Variants in PPP1R26 observed in about 807,000 individuals in gnomAD.
PPP1R26 encodes the protein protein phosphatase 1 regulatory subunit 26, also known as 1A6/DRIM (down-regulated in metastasis) interacting protein.
A neutral mutation model predicts 67.6 loss-of-function variants in PPP1R26; 22 were observed. The observed-to-expected ratio is 0.33, with a 90% CI of 0.23 to 0.46. The LOEUF (loss-of-function observed/expected upper bound fraction) is 0.46, where lower values mean the gene tolerates loss of function less well. Among genes scored for constraint, PPP1R26 ranks in the 20% least tolerant of loss-of-function variants. PPP1R26 has a pLI of 1.00. For synonymous variants in PPP1R26, 729 were observed against 717.2 expected (o/e 1.02, Z -0.26); for missense variants, 1,602 against 1,651.4 (o/e 0.97, Z 0.52).
intron 1 of PPP1R26, chr9:135,480,435 C>T (rs1302770220): frequency 6.6e-6 from 1 of 152,256 alleles, no homozygotes; most frequent in Non-Finnish European, 1.5e-5. Flanking sequence ...GCTCGCTAGT[C>T]CTCGGATCCC....
At position 135,484,873 on chromosome 9, in the gene PPP1R26, A is replaced by G. The variant is rs1830653768; in HGVS notation, c.363A>G (p.Leu121=). The change falls in exon 4 of 4, where the codon CTA becomes CTG. Residue 121 remains leucine, a synonymous_variant. Transcript: ENST00000356818. ...CTACAGACTTTGGCCCGTTGGTGCT[A>G]GATTCAGACAGTGATGATTCCGTGG... ...EETTDFGPLV[L]DSDSDDSVDR... is the part of the protein sequence containing the mutation. 1 of 1,605,200 alleles carries G rather than the reference A, an allele frequency of 6.2e-7. No homozygotes were observed. The highest frequency in any genetic ancestry group is 2.2e-5 in the East Asian group (1 of 44,740).
rs199571701 is a variant in PPP1R26 at position 135,486,279 on chromosome 9, T to C, written c.1769T>C (p.Leu590Pro). 14 of 1,612,918 alleles carry C rather than the reference T, an allele frequency of 8.7e-6. No individual in the cohort carries two copies. The highest frequency in any genetic ancestry group is 2.7e-5 in the African/African-American group (2 of 75,044). Residue 590 changes from leucine to proline, a missense_variant, in exon 4 of 4, where the codon CTG (leucine) becomes CCG (proline). Leu to Pro is a moderately conservative substitution (Grantham distance 98). Transcript: ENST00000356818. The surrounding 1 kb of genome is among the most constrained non-coding windows in gnomAD (Gnocchi z 6.2). ...TPLSKTPDPL[L>P]GCKRKRRGGG... is the part of the protein sequence containing the mutation. ...CTCTCTAAAACACCAGACCCACTGC[T>C]GGGCTGCAAAAGGAAGCGTAGAGGT...
Position 135,487,094 on chromosome 9 carries a change from G to A in PPP1R26, c.2584G>A (p.Gly862Ser), listed in dbSNP as rs550877570. The A allele has an allele frequency of 2.5e-6, 4 of 1,611,552 alleles. No individual in the cohort carries two copies. In the East Asian group the frequency reaches 8.9e-5, roughly 36 times the overall value. ...GAGCAGTTCAGAAGTTCAGGCAGAG[G>A]GCCCCACCGCTCTTGGGACAGGGGG... The part of the protein sequence containing the change: ...SVSSSEVQAE[G>S]PTALGTGGPA... The change falls in exon 4 of 4, where the codon GGC (glycine) becomes AGC (serine). Residue 862 changes from glycine (G) to serine (S), a missense_variant. Transcript: ENST00000356818.
In PPP1R26 at chr9:135,487,993, G is replaced by A. The variant is rs149647500; in HGVS notation, c.3483G>A (p.Ser1161=). 1.4e-5 allele frequency: 22 copies of A among 1,610,524 alleles called. No homozygotes were observed. The highest frequency in any genetic ancestry group is 6.7e-5 in the African/African-American group (5 of 74,798). The change falls in exon 4 of 4, where the codon TCG becomes TCA. Residue 1161 remains serine (S), a synonymous_variant. Transcript: ENST00000356818. The part of the protein sequence containing the change: ...AGLSLHDRRS[S]GSEESILDLR... ...TGAGTTTGCATGACAGGAGGAGCTC[G>A]GGCTCGGAGGAAAGCATTTTAGACC...
Position 135,486,103 on chromosome 9 carries a change from T to C in PPP1R26, c.1593T>C (p.Asp531=), listed in dbSNP as rs28684453. ...GCGACAGTAGCTCCGTGGACAGCGA[T>C]GACAGCATCGAGCAGGAAATCCGGA... The part of the protein sequence containing the change: ...SDGDSSSVDS[D]DSIEQEIRTF... Residue 531 remains aspartate (D), a synonymous_variant, in exon 4 of 4, where the codon GAT becomes GAC. Coordinates refer to ENST00000356818, the MANE Select transcript of PPP1R26 (RefSeq NM_014811.5). The surrounding 1 kb of genome is among the most constrained non-coding windows in gnomAD (Gnocchi z 6.2). 6.2e-7 allele frequency: 1 copy of C among 1,612,976 alleles called. No homozygotes were observed. The highest frequency in any genetic ancestry group is 1.3e-5 in the African/African-American group (1 of 75,066).
Position 135,483,963 on chromosome 9 carries a change from G to A in PPP1R26, c.-182G>A, listed in dbSNP as rs1830611114. 1 of 398,864 alleles carries A rather than the reference G, an allele frequency of 2.5e-6. No homozygotes were observed. Among genetic ancestry groups the A allele is most frequent in the South Asian group, 1.3e-4 (1 of 7,868 alleles). 24.7% of individuals were successfully genotyped at this position (398,864 alleles called of 1,614,324 possible). On this transcript the variant is annotated 5_prime_UTR_variant, in exon 3 of 4. Coordinates refer to ENST00000356818, the MANE Select transcript of PPP1R26 (RefSeq NM_014811.5). Reference sequence around the variant, plus strand: ...TTTCCGTTCCAGGAGCTTGTCGGTTGGGTCAAGAATGAACCTACGCATGAC... The same window carrying A: ...TTTCCGTTCCAGGAGCTTGTCGGTTAGGTCAAGAATGAACCTACGCATGAC...
At position 135,484,967 on chromosome 9, in the gene PPP1R26, G is replaced by T; in HGVS notation, c.457G>T (p.Gly153Cys). 1 of 1,577,862 alleles carries T rather than the reference G, an allele frequency of 6.3e-7. No homozygotes were observed. The highest frequency in any genetic ancestry group is 8.6e-7 in the Non-Finnish European group (1 of 1,163,248). ...GAGTGGAGCCGCACAGCCCGGGGCC[G>T]GCGGGGCCCAGCCAGGTGCAGCCCA... ...AKSGAAQPGA[G>C]GAQPGAAQPS... Residue 153 changes from glycine to cysteine, a missense_variant, in exon 4 of 4, where the codon GGC becomes TGC. Coordinates refer to ENST00000356818, the MANE Select transcript of PPP1R26 (RefSeq NM_014811.5).
Position 135,479,946 on chromosome 9 carries a change from G to A in PPP1R26, c.-405G>A, listed in dbSNP as rs1209253534. On this transcript the variant is annotated 5_prime_UTR_variant, in exon 1 of 4. Coordinates refer to ENST00000356818, the MANE Select transcript of PPP1R26 (RefSeq NM_014811.5). The surrounding 1 kb of genome is among the most constrained non-coding windows in gnomAD (Gnocchi z 5.9). Reference sequence around the variant, plus strand: ...GCCCTGCAGCCTCCGGCCCGCCCCCGGCCCGCCGCCTCCCCCGGGACGTGG... The same window carrying A: ...GCCCTGCAGCCTCCGGCCCGCCCCCAGCCCGCCGCCTCCCCCGGGACGTGG... 1 of 144,740 alleles carries A rather than the reference G, an allele frequency of 6.9e-6. No individual in the cohort carries two copies. The highest frequency in any genetic ancestry group is 2.5e-5 in the African/African-American group (1 of 40,452). The allele number at this position is 144,740 out of a possible 1,614,324, so 9.0% of individuals were successfully genotyped here.
rs548614696 is a variant in PPP1R26, at chr9:135,482,663, A to T, written c.-328-20A>T. 57 of 398,430 alleles carry T rather than the reference A, an allele frequency of 1.4e-4. No individual in the cohort carries two copies. In the Middle Eastern group the frequency reaches 1.9e-3, roughly 13 times the overall value. The allele number at this position is 398,430 out of a possible 1,614,324, so 24.7% of individuals were successfully genotyped here. On this transcript the variant is annotated intron_variant, in intron 1 of 3. Transcript: ENST00000356818. ...TTCAGCCTGTAATTAGATGCCTCTG[A>T]TTCTCTTTGATTCTGGTAGTCAAAA...
In PPP1R26 at chr9:135,486,894, G is replaced by A. The variant is rs749542039; in HGVS notation, c.2384G>A (p.Arg795Gln). 2.2e-5 allele frequency: 35 copies of A among 1,612,582 alleles called. No individual in the cohort carries two copies. The highest frequency in any genetic ancestry group is 2.0e-4 in the South Asian group (18 of 91,082). The change falls in exon 4 of 4, where the codon CGG (arginine) becomes CAG (glutamine). Residue 795 changes from arginine to glutamine, a missense_variant. Coordinates refer to ENST00000356818, the MANE Select transcript of PPP1R26 (RefSeq NM_014811.5). The surrounding 1 kb of genome is among the most constrained non-coding windows in gnomAD (Gnocchi z 6.2). The part of the protein sequence containing the change: ...AASQDAALAF[R>Q]VRRPASASAS... ...AGCCAGGACGCGGCCCTGGCCTTCC[G>A]GGTGAGGAGACCCGCCTCCGCCTCT...
In PPP1R26 at chr9:135,484,439, T is replaced by C. The variant is rs942848391; in HGVS notation, c.-62-10T>C. 9.4e-6 allele frequency: 13 copies of C among 1,384,960 alleles called. No individual in the cohort carries two copies. The Middle Eastern group carries it at 1.6e-3, about 171-fold the overall frequency. 85.8% of individuals were successfully genotyped at this position (1,384,960 alleles called of 1,614,324 possible). The stretch of plus-strand genomic sequence containing the variant: ...GCTGCATCATGCCCATGTGCTTTCT[T>C]TCCGCCCAGGATGTGAAGCCGGTAG... On this transcript the variant is annotated splice_polypyrimidine_tract_variant and intron_variant, in intron 3 of 3. Transcript: ENST00000356818.
rs1564210065 is a variant in PPP1R26, at chr9:135,487,233, CAGAG to C, written c.2726_2729del (p.Glu909AlafsTer44). ...CATCTGGCCGAAGGGCTTCGAGGCA[CAGAG>C]AGCGCAGGAGCACAGGGCACAGCTG... On this transcript the variant is annotated frameshift_variant, in exon 4 of 4. Transcript: ENST00000356818. LOFTEE classifies it high-confidence loss of function. 6.3e-7 allele frequency: 1 copy of C among 1,583,274 alleles called. No individual in the cohort carries two copies.
At chr9:135,483,141 C>T (rs1003729195) in intron 2 of PPP1R26, among the ~76,000 whole-genome samples, 1 of 152,068 alleles carries the variant, frequency 6.6e-6, no homozygotes, top group Non-Finnish European at 1.5e-5. Flanking sequence ...AGGCATGCGC[C>T]ACCATGCCCG....
intron 3 of PPP1R26, 126 bp from the exon 4 acceptor site, chr9:135,484,323 G>A (rs916486654): frequency 2.3e-5 from 14 of 603,290 alleles, no homozygotes; most frequent in African/African-American, 5.6e-5. Flanking sequence ...CTAGCTGGAC[G>A]TTGGGCTCCA....
At chr9:135,483,877 G>C in intron 2 of PPP1R26, 73 bp from the exon 3 acceptor site, 1 of 398,042 alleles carries the variant, frequency 2.5e-6, no homozygotes, top group Non-Finnish European at 4.4e-6. Flanking sequence ...AGAGGGTTTA[G>C]TAAAAGCAGC....
chr9:135,479,678 A>T (rs1359151635), upstream of PPP1R26: 3 of 144,308 alleles, frequency 2.1e-5, no homozygotes, highest in Admixed American at 6.8e-5. The surrounding 1 kb of genome is among the most constrained non-coding windows in gnomAD (Gnocchi z 5.9). Context: ...CATGATGCCC[A>T]GCCACGGGCA....
chr9:135,479,488 G>C (rs1293621478), upstream of PPP1R26, among the ~76,000 whole-genome samples: 4 of 149,870 alleles, frequency 2.7e-5, no homozygotes, highest in Admixed American at 6.6e-5. The surrounding 1 kb of genome is among the most constrained non-coding windows in gnomAD (Gnocchi z 5.9). Context: ...CGGGCAGCAC[G>C]GGGCTCGGCC....
Position 135,486,494 on chromosome 9 carries a change from T to A in PPP1R26, c.1984T>A (p.Ser662Thr). 1 of 1,612,742 alleles carries A rather than the reference T, an allele frequency of 6.2e-7. No individual in the cohort carries two copies. The highest frequency in any genetic ancestry group is 8.5e-7 in the Non-Finnish European group (1 of 1,179,844). The change falls in exon 4 of 4, where the codon TCA becomes ACA. Residue 662 changes from serine (S) to threonine (T), a missense_variant. This residue lies in a region of PPP1R26 where 680 missense variants were observed against 726.1 expected (regional missense o/e 0.94). Coordinates refer to ENST00000356818, the MANE Select transcript of PPP1R26 (RefSeq NM_014811.5). The surrounding 1 kb of genome is among the most constrained non-coding windows in gnomAD (Gnocchi z 6.2). ...CAGGGGCCCTGGCGACACTCGCATG[T>A]CACAGGGCCAGGGTAAGACAGACGA... ...TARGPGDTRMSQGQGKTDEAR... is the reference protein window; with the variant it reads ...TARGPGDTRMTQGQGKTDEAR...
Position 135,484,815 on chromosome 9 carries a change from T to C in PPP1R26, c.305T>C (p.Val102Ala), listed in dbSNP as rs1830651168. 5 of 1,610,692 alleles carry C rather than the reference T, an allele frequency of 3.1e-6. No individual in the cohort carries two copies. Among genetic ancestry groups the C allele is most frequent in the Non-Finnish European group, 4.2e-6 (5 of 1,179,764 alleles). Residue 102 changes from valine to alanine, a missense_variant, in exon 4 of 4, where the codon GTT becomes GCT. Around this residue, in one of 5 missense-constraint regions of PPP1R26, gnomAD observed 168 missense variants for 176.1 expected, o/e 0.95. Transcript: ENST00000356818. ...CCCGCGTTGGCTGTCTGTGGTCTCG[T>C]TGCTGACTTTGACCCCATGGGGGAG... ...EPPALAVCGL[V>A]ADFDPMGEEE...
Sources: allele counts gnomAD v4.1 joint callset (sites outside exome capture counted in the v4.1 genomes callset), GRCh38; gene constraint gnomAD v4.1.1; regional missense constraint gnomAD v4.1.1; non-coding constraint Gnocchi (gnomAD v3.1); transcripts MANE v1.5; gene names NCBI Gene and HGNC (gene_info 2026-07-23, HGNC 2026-07-21).